The following LRFN2 variants were observed in gnomAD, a reference collection of about 807,000 sequenced individuals.
LRFN2 encodes leucine rich repeat and fibronectin type III domain containing 2, also known as leucine-rich repeat and fibronectin type-III domain-containing protein 2.
Under a neutral mutation model 37.3 loss-of-function variants are expected in LRFN2, and 18 were observed. That is an observed-to-expected ratio of 0.48 (90% CI 0.33 to 0.72). LRFN2 has a LOEUF of 0.72. Ranked by LOEUF, LRFN2 falls within the 30% of genes least tolerant of loss-of-function variation. The pLI, the probability that LRFN2 is intolerant of heterozygous loss-of-function variation, is 0.02. For synonymous variants in LRFN2, 556 were observed against 466.6 expected (o/e 1.19, Z -2.47); for missense variants, 1,006 against 1,060.7 (o/e 0.95, Z 0.72).
In LRFN2 at chr6:40,392,683, C is replaced by G; in HGVS notation, c.1630G>C (p.Ala544Pro). Residue 544 changes from alanine (A) to proline (P), a missense_variant, in exon 3 of 3, where the codon GCC becomes CCC. This residue lies in a region of LRFN2 where 120 missense variants were observed against 178.4 expected (regional missense o/e 0.67). Transcript: ENST00000338305. The surrounding 1 kb of genome is among the most constrained non-coding windows in gnomAD (Gnocchi z 4.7). Reference protein sequence around the residue: ...MILVIGGIIVATLLVFIVILM... With the variant: ...MILVIGGIIVPTLLVFIVILM... ...ATGACGATGAAGACCAGCAGCGTGG[C>G]CACGATGATGCCCCCGATGACCAGG... 1 of 1,613,980 alleles carries G rather than the reference C, an allele frequency of 6.2e-7. No homozygotes were observed. The highest frequency in any genetic ancestry group is 1.3e-5 in the African/African-American group (1 of 75,062).
At chr6:40,549,678 C>G (rs1766732873) in intron 1 of LRFN2, among the ~76,000 whole-genome samples, 1 of 152,146 alleles carries the variant, frequency 6.6e-6, no homozygotes, top group Admixed American at 6.6e-5. Flanking sequence ...GTGGGAACCA[C>G]AGTGAAACAT....
chr6:40,398,739 C>A (rs980121107), intron 2 of LRFN2, among the ~76,000 whole-genome samples: 1 of 151,924 alleles, frequency 6.6e-6, no homozygotes, highest in South Asian at 2.1e-4. Flanking sequence ...GAAACTGCAA[C>A]CCCAAGCACT....
At chr6:40,440,131 A>G (rs75633737) in intron 1 of LRFN2, among the ~76,000 whole-genome samples, 2 of 116,870 alleles carry the variant, frequency 1.7e-5, no homozygotes, top group Non-Finnish European at 3.8e-5. Flanking sequence ...AGACAACAGG[A>G]AAAAAAAAAG....
chr6:40,415,499 TACA>T (rs1187582479), intron 2 of LRFN2, among the ~76,000 whole-genome samples: 1 of 152,190 alleles, frequency 6.6e-6, no homozygotes, highest in African/African-American at 2.4e-5. Context: ...ATGCTGGGAT[TACA>T]GGCATGAGCC....
At chr6:40,535,694 T>A (rs1766436214) in intron 1 of LRFN2, among the ~76,000 whole-genome samples, 1 of 152,040 alleles carries the variant, frequency 6.6e-6, no homozygotes, top group African/African-American at 2.4e-5. Flanking sequence ...CAGTCTACAT[T>A]GGTGGGAGGT....
intron 1 of LRFN2, among the ~76,000 whole-genome samples, chr6:40,497,995 G>T (rs1487296373): frequency 6.6e-6 from 1 of 152,188 alleles, no homozygotes; most frequent in Non-Finnish European, 1.5e-5. Context: ...CACTTCTGGG[G>T]TGTCTGCCTA....
intron 1 of LRFN2, among the ~76,000 whole-genome samples, chr6:40,583,231 T>G: frequency 6.6e-6 from 1 of 151,712 alleles, no homozygotes; most frequent in South Asian, 2.1e-4. Context: ...ATATATAGTA[T>G]ATATACACAT....
chr6:40,519,059 A>T (rs556619816), intron 1 of LRFN2, among the ~76,000 whole-genome samples: 1 of 152,176 alleles, frequency 6.6e-6, no homozygotes, highest in South Asian at 2.1e-4. Flanking sequence ...TAGGAGAACC[A>T]CCCCTTCTGC....
In LRFN2 at chr6:40,587,060, T is replaced by TCCGGCGGCTCCGGCGAATG. The variant is rs1767517283; in HGVS notation, c.-157_-139dup. The stretch of plus-strand genomic sequence containing the variant: ...CCCGAGACAGACTCGAGCTAAACCC[T>TCCGGCGGCTCCGGCGAATG]CCGGCGGCTCCGGCGAATGCAGGCA... On this transcript the variant is annotated 5_prime_UTR_variant, in exon 1 of 3. Coordinates refer to ENST00000338305, the MANE Select transcript of LRFN2 (RefSeq NM_020737.3). The surrounding 1 kb of genome is among the most constrained non-coding windows in gnomAD (Gnocchi z 4.2). 1 of 152,026 alleles carries TCCGGCGGCTCCGGCGAATG rather than the reference T, an allele frequency of 6.6e-6. No homozygotes were observed. Among genetic ancestry groups the TCCGGCGGCTCCGGCGAATG allele is most frequent in the African/African-American group, 2.4e-5 (1 of 41,360 alleles). The allele number at this position is 152,026 out of a possible 1,614,324, so 9.4% of individuals were successfully genotyped here.
At chr6:40,483,197 C>T (rs1010137917) in intron 1 of LRFN2, among the ~76,000 whole-genome samples, 5 of 152,252 alleles carry the variant, frequency 3.3e-5, no homozygotes, top group South Asian at 2.1e-4. Context: ...AAATAGAAAA[C>T]GTGTGTCAAT....
chr6:40,500,853 G>C (rs1417638210), intron 1 of LRFN2, among the ~76,000 whole-genome samples: 1 of 151,912 alleles, frequency 6.6e-6, no homozygotes, highest in Non-Finnish European at 1.5e-5. Context: ...AGAATGCATA[G>C]GAAGAAAATA....
intron 1 of LRFN2, among the ~76,000 whole-genome samples, chr6:40,460,098 G>T (rs991471457): frequency 2.0e-5 from 3 of 152,214 alleles, no homozygotes; most frequent in Non-Finnish European, 4.4e-5. Context: ...ACCAGGAGCG[G>T]TTGGAAGTTC....
intron 1 of LRFN2, among the ~76,000 whole-genome samples, chr6:40,534,792 G>C (rs1055011126): frequency 6.6e-6 from 1 of 152,192 alleles, no homozygotes; most frequent in South Asian, 2.1e-4. Flanking sequence ...CTGTGGTCTA[G>C]AACAGGGGAC....
At chr6:40,451,594 C>T (rs565855080) in intron 1 of LRFN2, among the ~76,000 whole-genome samples, 134 of 152,312 alleles carry the variant, frequency 8.8e-4, no homozygotes, top group African/African-American at 3.1e-3. Context: ...TCTGGCCACG[C>T]GGCCTGTGTT....
At chr6:40,405,088 G>T (rs1039181932) in intron 2 of LRFN2, among the ~76,000 whole-genome samples, 9 of 152,146 alleles carry the variant, frequency 5.9e-5, no homozygotes, top group Non-Finnish European at 1.2e-4. Context: ...GGCCCCCTCT[G>T]GTCCTTTGTT....
chr6:40,440,096 TA>T (rs1245534196), intron 1 of LRFN2, among the ~76,000 whole-genome samples: 1 of 150,284 alleles, frequency 6.7e-6, no homozygotes, highest in African/African-American at 2.5e-5. Flanking sequence ...ATAAACCCGA[TA>T]AAAACAGCAG....
At chr6:40,499,780 G>C (rs936381380) in intron 1 of LRFN2, among the ~76,000 whole-genome samples, 1 of 152,162 alleles carries the variant, frequency 6.6e-6, no homozygotes, top group Non-Finnish European at 1.5e-5. Flanking sequence ...CTGTGTTCAA[G>C]GTAGTAGGTC....
intron 1 of LRFN2, among the ~76,000 whole-genome samples, chr6:40,547,021 T>C (rs1581788936): frequency 1.3e-5 from 2 of 151,944 alleles, no homozygotes; most frequent in African/African-American, 4.8e-5. Context: ...CTTGATAAAG[T>C]GGGGATTCAA....
intron 1 of LRFN2, among the ~76,000 whole-genome samples, chr6:40,491,351 C>T (rs890009587): frequency 2.0e-5 from 3 of 152,216 alleles, no homozygotes; most frequent in Admixed American, 1.3e-4. Context: ...GGCTCTTGCC[C>T]TTGTCAAGGC....
Sources: allele counts gnomAD v4.1 joint callset (sites outside exome capture counted in the v4.1 genomes callset), GRCh38; gene constraint gnomAD v4.1.1; regional missense constraint gnomAD v4.1.1; non-coding constraint Gnocchi (gnomAD v3.1); transcripts MANE v1.5; gene names NCBI Gene and HGNC (gene_info 2026-07-23, HGNC 2026-07-21).